MTTP: variants seen among roughly 807,000 people sequenced by gnomAD.
The protein encoded by MTTP is microsomal triglyceride transfer protein.
MTTP carries 49 observed loss-of-function variants against 90.6 expected under a neutral mutation model. The observed-to-expected ratio is 0.54, with a 90% confidence interval of 0.43 to 0.69. MTTP has a LOEUF of 0.69. Among genes scored for constraint, MTTP ranks in the 30% least tolerant of loss-of-function variants. MTTP has a pLI of 0.00. For synonymous variants in MTTP, 347 were observed against 384.2 expected, an observed-to-expected ratio of 0.90 and a Z score of 1.13; for missense variants, 945 against 1,067.5, an observed-to-expected ratio of 0.89 and a Z score of 1.60.
At chr4:99,582,521 A>G (rs1316005820) in intron 2 of MTTP, among the ~76,000 whole-genome samples, 1 of 152,216 alleles carries the variant, frequency 6.6e-6, no homozygotes, top group Non-Finnish European at 1.5e-5. Flanking sequence ...GAGTAAACCT[A>G]GTCTGTGTTC....
At chr4:99,569,445 A>G (rs1462274303) in intron 1 of MTTP, among the ~76,000 whole-genome samples, 1 of 152,086 alleles carries the variant, frequency 6.6e-6, no homozygotes, top group Non-Finnish European at 1.5e-5. Context: ...ATATATTAAT[A>G]TTGGTTTATT....
chr4:99,601,732 C>A lies in MTTP; in HGVS notation c.1344+18C>A, dbSNP rs371841913. 4 of 1,547,912 alleles carry A rather than the reference C, an allele frequency of 2.6e-6. No individual in the cohort carries two copies. Among genetic ancestry groups the A allele is most frequent in the Non-Finnish European group, 2.7e-6 (3 of 1,120,278 alleles). On this transcript the variant is annotated intron_variant, in intron 10 of 17. Coordinates refer to ENST00000265517, the MANE Select transcript of MTTP (RefSeq NM_001386140.1). Reference sequence around the variant, plus strand: ...AACTCAAAGTAAGTGCAAATCCAATCTCATGTATTACATCATTCTACACCA... The same window carrying A: ...AACTCAAAGTAAGTGCAAATCCAATATCATGTATTACATCATTCTACACCA...
intron 5 of MTTP, 58 bp from the exon 6 acceptor site, chr4:99,591,593 T>A: frequency 6.4e-7 from 1 of 1,562,008 alleles, no homozygotes; most frequent in South Asian, 1.1e-5. Flanking sequence ...CTATTTGACT[T>A]GATTCAATAA....
intron 7 of MTTP, among the ~76,000 whole-genome samples, chr4:99,596,516 G>T (rs1008039531): frequency 3.3e-5 from 5 of 151,998 alleles, no homozygotes; most frequent in Admixed American, 3.3e-4. Context: ...AAAAAACATA[G>T]ATATAAGAAA....
At position 99,591,326 on chromosome 4, in the gene MTTP, G is replaced by A; in HGVS notation, c.593G>A (p.Arg198Lys). The change falls in exon 5 of 18, where the codon AGG (arginine) becomes AAG (lysine). Residue 198 changes from arginine (R) to lysine (K), a missense_variant. Arg to Lys is a conservative substitution (Grantham distance 26). Coordinates refer to ENST00000265517, the MANE Select transcript of MTTP (RefSeq NM_001386140.1). ...IKALDSCKIA[R>K]SGFTTPNQVL... ...GCCTTGGATTCATGCAAAATAGCGA[G>A]GTCTGGATTTACGACCCCAAATCAG... The A allele has an allele frequency of 6.2e-7, 1 of 1,613,590 alleles. No individual in the cohort carries two copies. The highest frequency in any genetic ancestry group is 1.1e-5 in the South Asian group (1 of 91,068).
intron 3 of MTTP, among the ~76,000 whole-genome samples, chr4:99,584,627 C>CCA (rs548144206): frequency 0.012 from 1,774 of 152,170 alleles, 21 homozygotes; most frequent in Non-Finnish European, 0.02. Flanking sequence ...AAAATACTTG[C>CCA]CATGTTTCTG....
chr4:99,587,177 G>T (rs1357659278), intron 3 of MTTP, among the ~76,000 whole-genome samples: 1 of 152,110 alleles, frequency 6.6e-6, no homozygotes, highest in Non-Finnish European at 1.5e-5. Flanking sequence ...ATGATTACAA[G>T]GCAGCTCAAT....
At chr4:99,587,120 A>G (rs2110214846) in intron 3 of MTTP, among the ~76,000 whole-genome samples, 1 of 152,322 alleles carries the variant, frequency 6.6e-6, no homozygotes, top group Non-Finnish European at 1.5e-5. Flanking sequence ...TGTGACAGCC[A>G]TGTGGCTTGA....
chr4:99,598,909 C>G, intron 8 of MTTP, among the ~76,000 whole-genome samples: 1 of 152,006 alleles, frequency 6.6e-6, no homozygotes, highest in East Asian at 1.9e-4. Flanking sequence ...GTGATCCACC[C>G]GCCTCGGCCT....
At position 99,623,927 on chromosome 4, in the gene MTTP, G is replaced by C. The variant is rs1299580534; in HGVS notation, c.*1079G>C. The C allele has an allele frequency of 1.3e-5, 2 of 152,168 alleles. No homozygotes were observed. Among genetic ancestry groups the C allele is most frequent in the Non-Finnish European group, 2.9e-5 (2 of 68,038 alleles). The allele number at this position is 152,168 out of a possible 1,614,324, so 9.4% of individuals were successfully genotyped here. On this transcript the variant is annotated 3_prime_UTR_variant, in exon 18 of 18. Transcript: ENST00000265517. ...TCCACTAAACACAGACACATGAAATGAAAGTTTAGCTAGCCCACTATTTGT... is the reference window on the plus strand; with the variant it reads ...TCCACTAAACACAGACACATGAAATCAAAGTTTAGCTAGCCCACTATTTGT...
chr4:99,567,329 T>G (rs1724726125), intron 1 of MTTP, among the ~76,000 whole-genome samples: 1 of 152,100 alleles, frequency 6.6e-6, no homozygotes, highest in South Asian at 2.1e-4. Flanking sequence ...ATAACATAAC[T>G]AGGTGAAAAG....
intron 2 of MTTP, among the ~76,000 whole-genome samples, chr4:99,582,315 C>T (rs528331557): frequency 3.3e-5 from 5 of 152,254 alleles, no homozygotes; most frequent in East Asian, 1.9e-4. Flanking sequence ...TACTGGTAAA[C>T]GACCAGAGTA....
chr4:99,575,798 A>T (rs1724941981), intron 1 of MTTP, among the ~76,000 whole-genome samples: 1 of 152,224 alleles, frequency 6.6e-6, no homozygotes, highest in African/African-American at 2.4e-5. Flanking sequence ...GTTTCTTAGG[A>T]AGACACACTG....
Position 99,600,548 on chromosome 4 carries a change from T to G in MTTP, c.1068-17T>G, listed in dbSNP as rs772202283. On this transcript the variant is annotated splice_polypyrimidine_tract_variant and intron_variant, in intron 8 of 17. Coordinates refer to ENST00000265517, the MANE Select transcript of MTTP (RefSeq NM_001386140.1). ...TCCCCTAAACATTGATATCCATGAT[T>G]ATGCCTTTTTTTATAGACCTCAGCT... The G allele has an allele frequency of 6.2e-7, 1 of 1,611,644 alleles. No individual in the cohort carries two copies. The highest frequency in any genetic ancestry group is 1.1e-5 in the South Asian group (1 of 91,028).
At chr4:99,588,844 CAT>C (rs10598156) in intron 3 of MTTP, among the ~76,000 whole-genome samples, 1 of 176 alleles carries the variant, frequency 5.7e-3, no homozygotes. Context: ...TATATACACA[CAT>C]ATATATATGT....
At position 99,612,471 on chromosome 4, in the gene MTTP, CT is replaced by C. The variant is rs1357663521; in HGVS notation, c.1990-441del. On this transcript the variant is annotated intron_variant, in intron 14 of 17. Coordinates refer to ENST00000265517, the MANE Select transcript of MTTP (RefSeq NM_001386140.1). ...ACATAGCAGCAGCCTTAGAATGACT[CT>C]GCCAACACCTTTCCATCTACTTTTA... Among the ~76,000 whole-genome samples, 5 of 151,414 alleles carry C rather than the reference CT, an allele frequency of 3.3e-5. No homozygotes were observed. In the South Asian group the frequency reaches 1.0e-3, roughly 32 times the overall value.
upstream of MTTP, among the ~76,000 whole-genome samples, chr4:99,570,023 T>G (rs919265943): frequency 1.4e-5 from 2 of 147,482 alleles, no homozygotes; most frequent in South Asian, 2.1e-4. Flanking sequence ...ATTTTTAATG[T>G]TTTTTTTTTG....
At chr4:99,611,492 C>T (rs1182144038) in intron 14 of MTTP, 39 bp downstream of exon 14, 1 of 1,609,628 alleles carries the variant, frequency 6.2e-7, no homozygotes, top group Non-Finnish European at 8.5e-7. Flanking sequence ...ATAAAGTATG[C>T]AAGAAATCAG....
intron 15 of MTTP, among the ~76,000 whole-genome samples, chr4:99,618,464 C>T (rs1165400611): frequency 1.3e-5 from 2 of 152,194 alleles, no homozygotes; most frequent in Admixed American, 1.3e-4. Context: ...GGACAAAAAG[C>T]CACAGCTAGA....
Sources: gnomAD v4.1 joint callset for allele counts (sites outside exome capture counted in the v4.1 genomes callset) on GRCh38, gnomAD v4.1.1 for gene constraint, MANE v1.5 for transcripts, NCBI Gene and HGNC (gene_info 2026-07-23, HGNC 2026-07-21) for gene names.